Variants in RAB31 observed in about 807,000 individuals in gnomAD.
The protein encoded by RAB31 is RAB31, member RAS oncogene family, also known as ras-related protein Rab-31.
RAB31 carries 21 observed loss-of-function variants against 25.6 expected under a neutral mutation model. That is an observed-to-expected ratio of 0.82 (90% CI 0.58 to 1.18). The LOEUF is 1.18. RAB31 is among the 50% of genes most tolerant of loss of function. The pLI is 0.00. For missense variants in RAB31, 196 were observed against 250.1 expected (o/e 0.78, Z 1.46); for synonymous variants, 87 against 84.0 (o/e 1.04, Z -0.20).
In RAB31 at chr18:9,856,515, G is replaced by A. The variant is rs574712862; in HGVS notation, c.491-2713G>A. Among the ~76,000 whole-genome samples, 10 of 152,276 alleles carry A rather than the reference G, an allele frequency of 6.6e-5. No homozygotes were observed. In the South Asian group the frequency reaches 2.1e-3, roughly 32 times the overall value. Reference sequence around the variant, plus strand: ...AAAAACTTATGAAAACAAGACATGAGGGAAATAAAGTCATGGAGGGCTAAA... The same window carrying A: ...AAAAACTTATGAAAACAAGACATGAAGGAAATAAAGTCATGGAGGGCTAAA... On this transcript the variant is annotated intron_variant, in intron 6 of 6. Coordinates refer to ENST00000578921, the MANE Select transcript of RAB31 (RefSeq NM_006868.4).
At chr18:9,737,561 C>T (rs544785680) in intron 1 of RAB31, among the ~76,000 whole-genome samples, 1 of 152,296 alleles carries the variant, frequency 6.6e-6, no homozygotes, top group East Asian at 1.9e-4. Flanking sequence ...TTATCTGCTA[C>T]ACTAACGAGC....
At chr18:9,776,428 T>C (rs2068372497) in intron 2 of RAB31, among the ~76,000 whole-genome samples, 1 of 152,110 alleles carries the variant, frequency 6.6e-6, no homozygotes, top group South Asian at 2.1e-4. Context: ...AGGGAATAAA[T>C]AGATGCTCAA....
chr18:9,835,739 A>C (rs1391315822), intron 5 of RAB31, among the ~76,000 whole-genome samples: 1 of 152,166 alleles, frequency 6.6e-6, no homozygotes, highest in Admixed American at 6.5e-5. Flanking sequence ...TTTTCAAAGA[A>C]GTTTATTTTC....
chr18:9,845,521 G>T, intron 5 of RAB31, 61 bp from the exon 6 acceptor site: 1 of 1,406,068 alleles, frequency 7.1e-7, no homozygotes, highest in Non-Finnish European at 9.4e-7. Context: ...CTGGTCTTTT[G>T]GGTGATTTGT....
Position 9,832,243 on chromosome 18 carries a change from C to T in RAB31, c.381-13339C>T, listed in dbSNP as rs145194349. 2.9e-4 allele frequency among the ~76,000 whole-genome samples: 44 copies of T among 152,218 alleles called. 1 individual carries two copies. The East Asian group carries it at 7.0e-3, about 24-fold the overall frequency. On this transcript the variant is annotated intron_variant, in intron 5 of 6. Transcript: ENST00000578921. ...CCAGGCCGGTGGTGGCCTCACATCACCCATGCCAGAGGTCAGTCCTCGATT... is the reference window on the plus strand; with the variant it reads ...CCAGGCCGGTGGTGGCCTCACATCATCCATGCCAGAGGTCAGTCCTCGATT...
At chr18:9,727,563 G>A (rs778526794) in intron 1 of RAB31, among the ~76,000 whole-genome samples, 38 of 152,254 alleles carry the variant, frequency 2.5e-4, no homozygotes, top group Non-Finnish European at 4.0e-4. Flanking sequence ...GGATCCTTTT[G>A]CCTTGGCCTC....
intron 5 of RAB31, among the ~76,000 whole-genome samples, chr18:9,827,582 C>A (rs1345888128): frequency 6.9e-6 from 1 of 145,698 alleles, no homozygotes; most frequent in African/African-American, 2.5e-5. Context: ...TAACATCTTA[C>A]GGAAGCACTC....
chr18:9,806,767 A>G (rs190654063), intron 3 of RAB31, among the ~76,000 whole-genome samples: 131 of 152,302 alleles, frequency 8.6e-4, no homozygotes, highest in Middle Eastern at 6.8e-3. Context: ...GGGGGTAGGA[A>G]TGGAGCGGGA....
At chr18:9,768,613 T>G (rs1329149047) in intron 1 of RAB31, among the ~76,000 whole-genome samples, 1 of 152,220 alleles carries the variant, frequency 6.6e-6, no homozygotes, top group African/African-American at 2.4e-5. Context: ...GTCAGATGGA[T>G]AGATTGCAAA....
At chr18:9,737,178 T>C (rs1469222606) in intron 1 of RAB31, among the ~76,000 whole-genome samples, 2 of 152,156 alleles carry the variant, frequency 1.3e-5, no homozygotes, top group Non-Finnish European at 2.9e-5. Context: ...TCCAATCAGA[T>C]ACCACAAAAA....
At chr18:9,806,485 G>A (rs1002770062) in intron 3 of RAB31, among the ~76,000 whole-genome samples, 5 of 152,106 alleles carry the variant, frequency 3.3e-5, no homozygotes, top group African/African-American at 1.2e-4. Context: ...GGAAGGTGCG[G>A]AGGCTCGGTG....
At chr18:9,737,909 T>C (rs2068158485) in intron 1 of RAB31, among the ~76,000 whole-genome samples, 1 of 152,108 alleles carries the variant, frequency 6.6e-6, no homozygotes. Context: ...TGAATGGTCA[T>C]AAAGAGAGTT....
At position 9,773,002 on chromosome 18, in the gene RAB31, A is replaced by AGCT. The variant is rs562610399; in HGVS notation, c.40-2274_40-2272dup. ...CAGCGGCATCAATTGGCATCTCAGG[A>AGCT]GCTGATGTTTTGATTCTGCCGTCAC... On this transcript the variant is annotated intron_variant, in intron 1 of 6. Transcript: ENST00000578921. Among the ~76,000 whole-genome samples, 26 of 152,228 alleles carry AGCT rather than the reference A, an allele frequency of 1.7e-4. No homozygotes were observed. In the South Asian group the frequency reaches 3.3e-3, roughly 19 times the overall value.
At chr18:9,717,343 A>C (rs1599009616) in intron 1 of RAB31, among the ~76,000 whole-genome samples, 1 of 152,028 alleles carries the variant, frequency 6.6e-6, no homozygotes, top group Non-Finnish European at 1.5e-5. Context: ...TTCTGTTTGC[A>C]CCATATTTAA....
At chr18:9,798,107 A>C (rs138769562) in intron 3 of RAB31, among the ~76,000 whole-genome samples, 2,475 of 152,324 alleles carry the variant, frequency 0.016, 33 homozygotes, top group Middle Eastern at 0.075. Context: ...GCAAGGCATG[A>C]CTCCACAGTA....
At chr18:9,771,212 G>C (rs996799388) in intron 1 of RAB31, among the ~76,000 whole-genome samples, 9 of 152,080 alleles carry the variant, frequency 5.9e-5, no homozygotes, top group African/African-American at 2.2e-4. Flanking sequence ...CAGGGAAGTT[G>C]ATTTAACCTA....
chr18:9,838,235 G>A (rs2068714847), intron 5 of RAB31, among the ~76,000 whole-genome samples: 3 of 152,206 alleles, frequency 2.0e-5, no homozygotes, highest in Admixed American at 6.5e-5. Flanking sequence ...TACTGGTGGA[G>A]ACGATCGCTT....
intron 3 of RAB31, among the ~76,000 whole-genome samples, chr18:9,810,351 A>T (rs2068564338): frequency 6.6e-6 from 1 of 152,200 alleles, no homozygotes; most frequent in South Asian, 2.1e-4. Context: ...ACAGGAATTG[A>T]ATTATGTCAT....
intron 5 of RAB31, among the ~76,000 whole-genome samples, chr18:9,816,779 T>C (rs966462287): frequency 1.3e-5 from 2 of 152,246 alleles, no homozygotes; most frequent in African/African-American, 4.8e-5. Flanking sequence ...AGCGAATTTG[T>C]GGTATCTCCA....
Sources: gnomAD v4.1 joint callset for allele counts (sites outside exome capture counted in the v4.1 genomes callset) on GRCh38, gnomAD v4.1.1 for gene constraint, MANE v1.5 for transcripts, NCBI Gene and HGNC (gene_info 2026-07-23, HGNC 2026-07-21) for gene names.